GATAD2A: variants seen among roughly 807,000 people sequenced by gnomAD.
GATAD2A encodes transcriptional repressor p66-alpha.
In GATAD2A, 12 loss-of-function variants were observed where a neutral mutation model predicts 68.5. The observed-to-expected ratio is 0.18, with a 90% CI of 0.11 to 0.28. GATAD2A has a LOEUF of 0.28. Among genes scored for constraint, GATAD2A ranks in the 10% least tolerant of loss-of-function variants. GATAD2A has a pLI of 1.00. For missense variants in GATAD2A, 755 were observed against 868.5 expected, an observed-to-expected ratio of 0.87 and a Z score of 1.64; for synonymous variants, 410 against 375.3, an observed-to-expected ratio of 1.09 and a Z score of -1.07.
intron 1 of GATAD2A, among the ~76,000 whole-genome samples, chr19:19,396,137 A>G (rs1428193462): frequency 1.3e-5 from 2 of 152,168 alleles, no homozygotes; most frequent in Admixed American, 6.6e-5. Flanking sequence ...CCTGGCCAAC[A>G]TAGTGAAACC....
intron 8 of GATAD2A, among the ~76,000 whole-genome samples, chr19:19,499,533 G>T (rs73922895): frequency 1.1e-4 from 16 of 151,972 alleles, no homozygotes; most frequent in Admixed American, 4.6e-4. Flanking sequence ...AGCACCTCCC[G>T]CGCACTGCCC....
intron 1 of GATAD2A, among the ~76,000 whole-genome samples, chr19:19,421,881 G>T (rs1221983639): frequency 6.6e-6 from 1 of 151,796 alleles, no homozygotes; most frequent in Non-Finnish European, 1.5e-5. Context: ...GTGTGCAGTG[G>T]TGCAATCTTG....
At chr19:19,485,250 G>C (rs936724389) in intron 2 of GATAD2A, among the ~76,000 whole-genome samples, 6 of 152,228 alleles carry the variant, frequency 3.9e-5, no homozygotes, top group Non-Finnish European at 7.3e-5. Flanking sequence ...GCTCCCCAGG[G>C]GCCAGCCTGG....
At chr19:19,401,900 T>C (rs2049785765), upstream of GATAD2A, 1 of 152,184 alleles carries the variant, frequency 6.6e-6, no homozygotes, top group South Asian at 2.1e-4. Context: ...CCCTCAGTTG[T>C]ATAGGGACAG....
At position 19,505,844 on chromosome 19, in the gene GATAD2A, T is replaced by C. The variant is rs1248121071; in HGVS notation, c.*370T>C. ...CACACGGGCGGCTCACCCTGGACAC[T>C]GTGATGCGCATGGGCAAGGCCAGCG... is the stretch of plus-strand genomic sequence containing the variant. On this transcript the variant is annotated 3_prime_UTR_variant, in exon 12 of 12. Coordinates refer to ENST00000683918, the MANE Select transcript of GATAD2A (RefSeq NM_001384528.1). 1 of 410,294 alleles carries C rather than the reference T, an allele frequency of 2.4e-6. No homozygotes were observed. The highest frequency in any genetic ancestry group is 3.6e-5 in the East Asian group (1 of 28,120). 25.4% of individuals were successfully genotyped at this position (410,294 alleles called of 1,614,324 possible). A position where few individuals can be genotyped will look rare whatever the true frequency, so the allele number is the denominator to read the frequency against.
intron 1 of GATAD2A, among the ~76,000 whole-genome samples, chr19:19,413,348 T>C (rs1038693639): frequency 2.0e-5 from 3 of 152,190 alleles, no homozygotes; most frequent in African/African-American, 7.2e-5. Flanking sequence ...AAGGCATCGA[T>C]TGAATTGGTT....
intron 1 of GATAD2A, chr19:19,457,173 G>A: frequency 1.0e-6 from 1 of 984,936 alleles, no homozygotes; most frequent in Non-Finnish European, 1.2e-6. Flanking sequence ...CAGAAGTGGG[G>A]CCACTTCAGG....
At chr19:19,438,018 C>T (rs1160168151) in intron 1 of GATAD2A, among the ~76,000 whole-genome samples, 1 of 152,158 alleles carries the variant, frequency 6.6e-6, no homozygotes, top group Non-Finnish European at 1.5e-5. Context: ...TCCATGGCGC[C>T]TGCACTATTT....
Position 19,494,287 on chromosome 19 carries a change from C to G in GATAD2A, c.535-7C>G, listed in dbSNP as rs1182341869. 3 of 1,593,716 alleles carry G rather than the reference C, an allele frequency of 1.9e-6. No homozygotes were observed. Among genetic ancestry groups the G allele is most frequent in the Admixed American group, 1.7e-5 (1 of 59,836 alleles). On this transcript the variant is annotated splice_region_variant and splice_polypyrimidine_tract_variant and intron_variant, in intron 4 of 11. Transcript: ENST00000683918. ...CCCTCACCTCCTGGTGTCCTGCTCTCTTGCAGCCCACAGGTTCTGTTGGGA... is the reference window on the plus strand; with the variant it reads ...CCCTCACCTCCTGGTGTCCTGCTCTGTTGCAGCCCACAGGTTCTGTTGGGA...
In GATAD2A at chr19:19,495,889, A is replaced by ACC. The variant is rs926195917; in HGVS notation, c.756+4_756+5insCC. ...CCCACTCGTCAGGGGGGCTCAGGTAAGCAGGGCTGTGCACATGGGGGAGAC... is the reference window on the plus strand; with the variant it reads ...CCCACTCGTCAGGGGGGCTCAGGTAACCGCAGGGCTGTGCACATGGGGGAGAC... On this transcript the variant is annotated splice_donor_region_variant and intron_variant, in intron 6 of 11. Coordinates refer to ENST00000683918, the MANE Select transcript of GATAD2A (RefSeq NM_001384528.1). The ACC allele has an allele frequency of 1.2e-6, 2 of 1,611,142 alleles. No homozygotes were observed. The highest frequency in any genetic ancestry group is 2.7e-5 in the African/African-American group (2 of 74,874).
chr19:19,479,511 C>T (rs1032431168), intron 2 of GATAD2A, among the ~76,000 whole-genome samples: 1 of 152,114 alleles, frequency 6.6e-6, no homozygotes, highest in South Asian at 2.1e-4. Flanking sequence ...ATGACAGTTT[C>T]TCGTACTTTC....
chr19:19,465,616 T>C lies in GATAD2A; in HGVS notation c.269+2T>C, dbSNP rs529879541. 3 of 1,603,134 alleles carry C rather than the reference T, an allele frequency of 1.9e-6. No individual in the cohort carries two copies. The highest frequency in any genetic ancestry group is 2.6e-6 in the Non-Finnish European group (3 of 1,175,094). Reference sequence around the variant, plus strand: ...CGTGGACATGCGCACCTCACACAGGTGAGTGGGAGGAGCCAGCGGGAGGGG... The same window carrying C: ...CGTGGACATGCGCACCTCACACAGGCGAGTGGGAGGAGCCAGCGGGAGGGG... On this transcript the variant is annotated splice_donor_variant, in intron 2 of 11. Coordinates refer to ENST00000683918, the MANE Select transcript of GATAD2A (RefSeq NM_001384528.1). LOFTEE classifies it high-confidence loss of function.
intron 1 of GATAD2A, among the ~76,000 whole-genome samples, chr19:19,459,194 CA>C (rs1568305269): frequency 6.6e-6 from 1 of 152,130 alleles, no homozygotes; most frequent in Non-Finnish European, 1.5e-5. Flanking sequence ...TCTTTGAATA[CA>C]GGACTGATTC....
intron 1 of GATAD2A, among the ~76,000 whole-genome samples, chr19:19,453,983 T>TG (rs544601619): frequency 8.7e-4 from 129 of 148,672 alleles, no homozygotes; most frequent in African/African-American, 3.1e-3. Flanking sequence ...GTTTTTTTTT[T>TG]TTTGTTTATT....
intron 2 of GATAD2A, among the ~76,000 whole-genome samples, chr19:19,485,869 C>T (rs2059394856): frequency 6.6e-6 from 1 of 152,218 alleles, no homozygotes; most frequent in African/African-American, 2.4e-5. Context: ...AGGAATTTGG[C>T]TTCCAGGGTC....
At chr19:19,486,113 A>T (rs2059409395) in intron 2 of GATAD2A, among the ~76,000 whole-genome samples, 2 of 152,234 alleles carry the variant, frequency 1.3e-5, no homozygotes, top group Admixed American at 1.3e-4. Flanking sequence ...GGCCCCCAGC[A>T]GACCCAGTCT....
intron 5 of GATAD2A, among the ~76,000 whole-genome samples, chr19:19,494,699 GC>G (rs2060030056): frequency 6.6e-6 from 1 of 152,230 alleles, no homozygotes. Flanking sequence ...CGGCCAGAGA[GC>G]CTCCTTCCAG....
At chr19:19,412,987 C>T (rs368185004) in intron 1 of GATAD2A, among the ~76,000 whole-genome samples, 1 of 152,156 alleles carries the variant, frequency 6.6e-6, no homozygotes, top group African/African-American at 2.4e-5. Flanking sequence ...AGATCCCTTT[C>T]GTACCATGGT....
intron 1 of GATAD2A, among the ~76,000 whole-genome samples, chr19:19,420,185 T>G (rs2052201745): frequency 3.5e-5 from 5 of 144,378 alleles, no homozygotes; most frequent in South Asian, 2.3e-4. Flanking sequence ...TAGTTTTTTT[T>G]TTTTTTTTTT....
Sources: allele counts gnomAD v4.1 joint callset (sites outside exome capture counted in the v4.1 genomes callset), GRCh38; gene constraint gnomAD v4.1.1; transcripts MANE v1.5; gene names NCBI Gene and HGNC (gene_info 2026-07-23, HGNC 2026-07-21).